The following NDFIP2 variants were observed in gnomAD, a reference collection of about 807,000 sequenced individuals.
The protein encoded by NDFIP2 is NEDD4 family-interacting protein 2.
Under a neutral mutation model 36.0 loss-of-function variants are expected in NDFIP2, and 19 were observed. The observed-to-expected ratio is 0.53, with a 90% CI of 0.37 to 0.77. NDFIP2 has a LOEUF of 0.77. NDFIP2 is among the 30% of genes least tolerant of loss of function. NDFIP2 has a pLI of 0.00. For synonymous variants in NDFIP2, 181 were observed against 167.7 expected (o/e 1.08, Z -0.61); for missense variants, 446 against 435.8 (o/e 1.02, Z -0.21).
chr13:79,536,903 C>T (rs954114640), intron 3 of NDFIP2, among the ~76,000 whole-genome samples: 3 of 151,904 alleles, frequency 2.0e-5, no homozygotes, highest in African/African-American at 7.3e-5. Context: ...TGGCATGCAC[C>T]TGTAGTTCCA....
chr13:79,508,162 GTTGTT>G (rs1394314513), intron 1 of NDFIP2, among the ~76,000 whole-genome samples: 1 of 152,154 alleles, frequency 6.6e-6, no homozygotes, highest in Non-Finnish European at 1.5e-5. Flanking sequence ...TGGCTAGAAA[GTTGTT>G]TTAAGTTTCT....
At chr13:79,542,231 C>T (rs138608325) in intron 4 of NDFIP2, among the ~76,000 whole-genome samples, 15 of 152,222 alleles carry the variant, frequency 9.9e-5, no homozygotes, top group African/African-American at 2.9e-4. Context: ...CCATTTGTAC[C>T]GTGTGTGAAT....
intron 1 of NDFIP2, among the ~76,000 whole-genome samples, chr13:79,485,532 G>A (rs1242165375): frequency 6.6e-6 from 1 of 152,084 alleles, no homozygotes; most frequent in African/African-American, 2.4e-5. Context: ...TTACTCTCTA[G>A]TTGTCACCTT....
chr13:79,490,858 T>C (rs1468417649), intron 1 of NDFIP2, among the ~76,000 whole-genome samples: 6 of 152,204 alleles, frequency 3.9e-5, no homozygotes, highest in Admixed American at 3.3e-4. Context: ...TAGTCTGTCC[T>C]AGAATTGGGA....
intron 1 of NDFIP2, among the ~76,000 whole-genome samples, chr13:79,497,137 T>G (rs957274618): frequency 2.0e-5 from 3 of 152,014 alleles, no homozygotes; most frequent in Admixed American, 6.6e-5. Context: ...GAATGTTGGT[T>G]GTTTTGTTTT....
At chr13:79,527,052 G>C (rs1375622927) in intron 2 of NDFIP2, among the ~76,000 whole-genome samples, 1 of 152,030 alleles carries the variant, frequency 6.6e-6, no homozygotes, top group Non-Finnish European at 1.5e-5. Context: ...GAAGATCACT[G>C]GTGACTTTTG....
rs116166707 is a variant in NDFIP2 at position 79,553,117 on chromosome 13, A to G, written c.*604A>G. 2 of 151,750 alleles carry G rather than the reference A, an allele frequency of 1.3e-5. No homozygotes were observed. Among genetic ancestry groups the G allele is most frequent in the African/African-American group, 2.4e-5 (1 of 41,374 alleles). The allele number at this position is 151,750 out of a possible 1,614,324, so 9.4% of individuals were successfully genotyped here. ...AACCATGCATAACTTACTTTCTGCA[A>G]TGTTTTCTTAGAAATTGTGTCCAGA... On this transcript the variant is annotated 3_prime_UTR_variant, in exon 8 of 8. Coordinates refer to ENST00000218652, the MANE Select transcript of NDFIP2 (RefSeq NM_019080.3).
chr13:79,528,621 C>T (rs751564572), intron 2 of NDFIP2, among the ~76,000 whole-genome samples: 4 of 152,068 alleles, frequency 2.6e-5, no homozygotes, highest in Non-Finnish European at 5.9e-5. Context: ...CTATCCAGGT[C>T]GGCCACTTTA....
intron 7 of NDFIP2, among the ~76,000 whole-genome samples, 161 bp from the exon 8 acceptor site, chr13:79,552,355 A>G (rs567418160): frequency 9.2e-5 from 14 of 151,628 alleles, no homozygotes; most frequent in African/African-American, 3.4e-4. Context: ...AAAATCTGCT[A>G]TAGAAGCCTT....
In NDFIP2 at chr13:79,481,293, C is replaced by T. The variant is rs1166931432; in HGVS notation, c.90C>T (p.Thr30=). 4 of 1,539,690 alleles carry T rather than the reference C, an allele frequency of 2.6e-6. No individual in the cohort carries two copies. The highest frequency in any genetic ancestry group is 2.4e-5 in the East Asian group (1 of 40,938). Residue 30 remains threonine, a synonymous_variant, in exon 1 of 8, where the codon ACC becomes ACT. Coordinates refer to ENST00000218652, the MANE Select transcript of NDFIP2 (RefSeq NM_019080.3). The stretch of plus-strand genomic sequence containing the variant: ...GCGCCCCGGAGCTTCTCCGCGGAAC[C>T]GCGACCAACGCGGAGGTCTCGGCGG... ...ARGAPELLRG[T]ATNAEVSAAA...
intron 2 of NDFIP2, among the ~76,000 whole-genome samples, chr13:79,528,870 C>T (rs1384425001): frequency 1.3e-5 from 2 of 152,170 alleles, no homozygotes; most frequent in Non-Finnish European, 2.9e-5. Flanking sequence ...AATTGCTTAA[C>T]ACATGTCTCA....
At chr13:79,524,127 A>C (rs1360833485) in intron 2 of NDFIP2, among the ~76,000 whole-genome samples, 1 of 152,092 alleles carries the variant, frequency 6.6e-6, no homozygotes. Context: ...TTTCTTCTTC[A>C]TCTTCCTCTT....
chr13:79,517,724 T>C (rs73551595), intron 1 of NDFIP2, among the ~76,000 whole-genome samples: 10,166 of 152,246 alleles, frequency 0.067, 716 homozygotes, highest in African/African-American at 0.17. Flanking sequence ...GCTCCAAAGC[T>C]TTATTTTGGA....
chr13:79,526,410 G>C (rs968295987), intron 2 of NDFIP2, among the ~76,000 whole-genome samples: 3 of 152,222 alleles, frequency 2.0e-5, no homozygotes, highest in African/African-American at 7.2e-5. Flanking sequence ...TAAATCAACT[G>C]TGTATAGTTG....
At chr13:79,526,563 T>C (rs556461069) in intron 2 of NDFIP2, among the ~76,000 whole-genome samples, 4 of 152,262 alleles carry the variant, frequency 2.6e-5, no homozygotes, top group South Asian at 2.1e-4. Flanking sequence ...TGGAGAGTTA[T>C]GAGAAACACT....
intron 1 of NDFIP2, among the ~76,000 whole-genome samples, chr13:79,496,009 A>G (rs1873421748): frequency 6.6e-6 from 1 of 151,890 alleles, no homozygotes; most frequent in African/African-American, 2.4e-5. Flanking sequence ...TAGTTGTCAT[A>G]TGTATTATGT....
At chr13:79,482,994 T>C (rs2079824295) in intron 1 of NDFIP2, among the ~76,000 whole-genome samples, 1 of 152,226 alleles carries the variant, frequency 6.6e-6, no homozygotes, top group Non-Finnish European at 1.5e-5. Flanking sequence ...GTTTCATTTT[T>C]CCTACAGACG....
At chr13:79,482,181 T>C (rs1465331958) in intron 1 of NDFIP2, among the ~76,000 whole-genome samples, 6 of 146,522 alleles carry the variant, frequency 4.1e-5, no homozygotes, top group South Asian at 2.2e-4. Flanking sequence ...TTTTTTTTTT[T>C]TTTTTTTTTT....
At chr13:79,499,689 G>A (rs1327947757) in intron 1 of NDFIP2, among the ~76,000 whole-genome samples, 40 of 151,800 alleles carry the variant, frequency 2.6e-4, no homozygotes, top group Admixed American at 2.6e-3. Flanking sequence ...AGATCTATAT[G>A]AGGAAAACTA....
Sources: gnomAD v4.1 joint callset for allele counts (sites outside exome capture counted in the v4.1 genomes callset) on GRCh38, gnomAD v4.1.1 for gene constraint, MANE v1.5 for transcripts, NCBI Gene and HGNC (gene_info 2026-07-23, HGNC 2026-07-21) for gene names.